Variants in SLC13A1 observed in about 807,000 individuals in gnomAD.
The protein encoded by SLC13A1 is solute carrier family 13 member 1.
SLC13A1 carries 65 observed loss-of-function variants against 70.0 expected under a neutral mutation model. The observed-to-expected ratio is 0.93, with a 90% CI of 0.76 to 1.14. The LOEUF is 1.14. SLC13A1 is among the 50% of genes most tolerant of loss of function. The pLI, the probability that SLC13A1 is intolerant of heterozygous loss-of-function variation, is 0.00. For synonymous variants in SLC13A1, 275 were observed against 250.5 expected (o/e 1.10, Z -0.92); for missense variants, 726 against 717.8 (o/e 1.01, Z -0.13).
chr7:123,135,359 C>T (rs1314401300), intron 7 of SLC13A1, among the ~76,000 whole-genome samples: 1 of 152,000 alleles, frequency 6.6e-6, no homozygotes. Context: ...CTTATATAGT[C>T]ATTTATTTTA....
intron 8 of SLC13A1, among the ~76,000 whole-genome samples, chr7:123,130,605 G>A (rs898979445): frequency 1.3e-5 from 2 of 152,114 alleles, no homozygotes; most frequent in Non-Finnish European, 2.9e-5. Context: ...AACAGGTAAT[G>A]CATGTGGGGC....
intron 6 of SLC13A1, among the ~76,000 whole-genome samples, chr7:123,157,198 G>A (rs1157032843): frequency 1.3e-5 from 2 of 152,066 alleles, no homozygotes; most frequent in Non-Finnish European, 1.5e-5. Flanking sequence ...TCTCCTTACA[G>A]CTAGTATGAA....
chr7:123,159,636 T>C lies in SLC13A1; in HGVS notation c.660+8738A>G, dbSNP rs146695482. ...ATAGAAAATGATTGGACAATTAAAA[T>C]AGACACAAAGTATAGAATAGACCAC... is the stretch of plus-strand genomic sequence containing the variant. On this transcript the variant is annotated intron_variant, in intron 6 of 14. Coordinates refer to ENST00000194130, the MANE Select transcript of SLC13A1 (RefSeq NM_022444.4). 6.3e-3 allele frequency among the ~76,000 whole-genome samples: 956 copies of C among 152,114 alleles called. 11 individuals are homozygous for C. Among genetic ancestry groups the C allele is most frequent in the African/African-American group, 0.021 (887 of 41,494 alleles).
At chr7:123,136,650 T>A (rs900940280) in intron 7 of SLC13A1, among the ~76,000 whole-genome samples, 8 of 152,316 alleles carry the variant, frequency 5.3e-5, no homozygotes, top group East Asian at 3.9e-4. Context: ...GGGGACATAG[T>A]GGTGAATGAG....
intron 1 of SLC13A1, among the ~76,000 whole-genome samples, chr7:123,199,079 G>A (rs1320338837): frequency 6.6e-6 from 1 of 152,102 alleles, no homozygotes. Flanking sequence ...AGAGAATCTG[G>A]CTCCAAAGCC....
At chr7:123,196,764 A>C (rs1796199578) in intron 1 of SLC13A1, among the ~76,000 whole-genome samples, 1 of 152,150 alleles carries the variant, frequency 6.6e-6, no homozygotes, top group South Asian at 2.1e-4. Flanking sequence ...GCCTGTCTAA[A>C]GCATTTTCAT....
rs1471186667 is a variant in SLC13A1, at chr7:123,114,109, C to CAAAAAA, written c.*1408_*1409insTTTTTT. On this transcript the variant is annotated 3_prime_UTR_variant, in exon 15 of 15. Transcript: ENST00000194130. ...AAAAAAAAAAAAAAAAAAAAAAAAGCAAAGGTTTATTTTTTGCTTTGTCTT... is the reference window on the plus strand; with the variant it reads ...AAAAAAAAAAAAAAAAAAAAAAAAGCAAAAAAAAAGGTTTATTTTTTGCTTTGTCTT... 2 of 130,958 alleles carry CAAAAAA rather than the reference C, an allele frequency of 1.5e-5. No individual in the cohort carries two copies. Among genetic ancestry groups the CAAAAAA allele is most frequent in the Admixed American group, 7.7e-5 (1 of 13,014 alleles). The allele number at this position is 130,958 out of a possible 1,614,324, so 8.1% of individuals were successfully genotyped here. A position where few individuals can be genotyped will look rare whatever the true frequency, so the allele number is the denominator to read the frequency against.
intron 8 of SLC13A1, among the ~76,000 whole-genome samples, chr7:123,130,625 AGGTGATG>A (rs1437195813): frequency 6.6e-6 from 1 of 152,158 alleles, no homozygotes; most frequent in Non-Finnish European, 1.5e-5. Flanking sequence ...CTTAATACCT[AGGTGATG>A]GGTTGATAGG....
chr7:123,181,260 A>G, intron 1 of SLC13A1, 159 bp from the exon 2 acceptor site: 1 of 593,780 alleles, frequency 1.7e-6, no homozygotes, highest in South Asian at 2.8e-5. Context: ...CTCATTTCTT[A>G]GAAGTTCTAA....
rs545164966 is a variant in SLC13A1 at position 123,122,393 on chromosome 7, G to A, written c.1350+733C>T. Among the ~76,000 whole-genome samples, 36 of 152,214 alleles carry A rather than the reference G, an allele frequency of 2.4e-4. No homozygotes were observed. The South Asian group carries it at 7.5e-3, about 32-fold the overall frequency. On this transcript the variant is annotated intron_variant, in intron 12 of 14. Coordinates refer to ENST00000194130, the MANE Select transcript of SLC13A1 (RefSeq NM_022444.4). ...AATAAGTCTATGAAAACCAGAATGAGTGGTTTTAATTAATCTAGGAGTAAT... is the reference window on the plus strand; with the variant it reads ...AATAAGTCTATGAAAACCAGAATGAATGGTTTTAATTAATCTAGGAGTAAT...
intron 6 of SLC13A1, among the ~76,000 whole-genome samples, chr7:123,160,854 A>G (rs1261318279): frequency 6.6e-6 from 1 of 152,146 alleles, no homozygotes; most frequent in Non-Finnish European, 1.5e-5. Context: ...AAAATCTAGT[A>G]TAATGGAAAT....
chr7:123,171,998 C>A (rs915508004), intron 2 of SLC13A1, 94 bp from the exon 3 acceptor site: 2 of 1,114,672 alleles, frequency 1.8e-6, no homozygotes, highest in African/African-American at 3.2e-5. Flanking sequence ...TAATTTTGAC[C>A]TTCAACCGCA....
chr7:123,146,572 T>C (rs1794357895), intron 7 of SLC13A1, among the ~76,000 whole-genome samples: 1 of 152,162 alleles, frequency 6.6e-6, no homozygotes. Flanking sequence ...AAATTGAGGA[T>C]TTTTTAACCC....
intron 4 of SLC13A1, 135 bp downstream of exon 4, chr7:123,169,013 A>G: frequency 1.4e-6 from 1 of 721,078 alleles, no homozygotes; most frequent in South Asian, 2.2e-5. Flanking sequence ...GATACTGAGA[A>G]CTATAGAGGG....
At chr7:123,122,462 A>G (rs1201237888) in intron 12 of SLC13A1, among the ~76,000 whole-genome samples, 2 of 152,190 alleles carry the variant, frequency 1.3e-5, no homozygotes, top group East Asian at 3.9e-4. Flanking sequence ...TCTTCCAACA[A>G]CTCTACAAAG....
At chr7:123,134,192 C>T (rs1202998752) in intron 8 of SLC13A1, among the ~76,000 whole-genome samples, 1 of 151,954 alleles carries the variant, frequency 6.6e-6, no homozygotes, top group Non-Finnish European at 1.5e-5. Flanking sequence ...CGCAGCTGGC[C>T]CCTTTCTAAT....
At chr7:123,199,740 T>G in intron 1 of SLC13A1, 108 bp downstream of exon 1, 1 of 759,556 alleles carries the variant, frequency 1.3e-6, no homozygotes, top group Non-Finnish European at 2.2e-6. Context: ...GTATGAAGGG[T>G]CAACATTCAT....
rs912016067 is a variant in SLC13A1, at chr7:123,113,614, A to C, written c.*1904T>G. On this transcript the variant is annotated 3_prime_UTR_variant, in exon 15 of 15. Coordinates refer to ENST00000194130, the MANE Select transcript of SLC13A1 (RefSeq NM_022444.4). ...CAATTCAGCAGTGATAAATTGAATG[A>C]CTAGAAAAAAGCAGAAATGTAATAA... The C allele has an allele frequency of 2.6e-5, 4 of 152,330 alleles. No homozygotes were observed. The highest frequency in any genetic ancestry group is 9.6e-5 in the African/African-American group (4 of 41,582). 9.4% of individuals were successfully genotyped at this position (152,330 alleles called of 1,614,324 possible). A position where few individuals can be genotyped will look rare whatever the true frequency, so the allele number is the denominator to read the frequency against.
At chr7:123,132,572 A>G (rs183562256) in intron 8 of SLC13A1, among the ~76,000 whole-genome samples, 4 of 152,248 alleles carry the variant, frequency 2.6e-5, no homozygotes, top group Admixed American at 6.5e-5. Flanking sequence ...GGGTTTCACA[A>G]TGTTGGCCAG....
Sources: allele counts gnomAD v4.1 joint callset (sites outside exome capture counted in the v4.1 genomes callset), GRCh38; gene constraint gnomAD v4.1.1; transcripts MANE v1.5; gene names NCBI Gene and HGNC (gene_info 2026-07-23, HGNC 2026-07-21).